Variants in PCBD2 observed in about 807,000 individuals in gnomAD.
PCBD2 encodes pterin-4 alpha-carbinolamine dehydratase 2, also known as pterin-4-alpha-carbinolamine dehydratase 2.
Under a neutral mutation model 16.4 loss-of-function variants are expected in PCBD2, and 12 were observed. The observed-to-expected ratio is 0.73, with a 90% CI of 0.47 to 1.19. The LOEUF is 1.19. Among genes scored for constraint, PCBD2 ranks in the 50% most tolerant of loss-of-function variants. The pLI is 0.00. For synonymous variants in PCBD2, 58 were observed against 61.8 expected, an observed-to-expected ratio of 0.94 and a Z score of 0.29; for missense variants, 138 against 156.8, an observed-to-expected ratio of 0.88 and a Z score of 0.64.
intron 2 of PCBD2, chr5:134,923,359 C>T (rs1488147559): frequency 1.1e-5 from 2 of 174,580 alleles, no homozygotes; most frequent in East Asian, 1.5e-4. Flanking sequence ...AGAAATAAGC[C>T]GAGGATGTCT....
In PCBD2 at chr5:134,962,317, C is replaced by T. The variant is rs1004606282; in HGVS notation, c.*1636C>T. Among the ~76,000 whole-genome samples the T allele has an allele frequency of 6.6e-6, 1 of 152,088 alleles. No homozygotes were observed. Among genetic ancestry groups the T allele is most frequent in the African/African-American group, 2.4e-5 (1 of 41,394 alleles). The stretch of plus-strand genomic sequence containing the variant: ...CTATGTTGCCATGGCTGGTCTAGAA[C>T]TTCTGGGCTCGAGTAATCCTCCTGC... On this transcript the variant is annotated 3_prime_UTR_variant, in exon 4 of 4. Transcript: ENST00000254908.
intron 2 of PCBD2, chr5:134,923,560 T>C (rs1580881803): frequency 6.2e-6 from 2 of 321,372 alleles, no homozygotes; most frequent in Non-Finnish European, 1.1e-5. Flanking sequence ...CCTCCTCAGA[T>C]TCATTGGACC....
chr5:134,905,280 C>T, intron 1 of PCBD2, 57 bp downstream of exon 1: 2 of 1,209,758 alleles, frequency 1.7e-6, no homozygotes, highest in Non-Finnish European at 2.1e-6. Context: ...GGTGCGAGGC[C>T]CGGCGGCGTC....
rs1209534114 is a variant in PCBD2 at position 134,910,340 on chromosome 5, A to G, written c.90A>G (p.Ser30=). ...GAAATGTGTTCTCTTCATAGTCATC[A>G]GGTACTCACAGGTTGACTGCAGAGG... ...GQSLGLAAMS[S]GTHRLTAEER... Residue 30 remains serine (S), a synonymous_variant, in exon 2 of 4, where the codon TCA becomes TCG. Coordinates refer to ENST00000254908, the MANE Select transcript of PCBD2 (RefSeq NM_032151.5). 6.2e-6 allele frequency: 10 copies of G among 1,613,516 alleles called. No homozygotes were observed. In the Admixed American group the frequency reaches 1.3e-4, roughly 22 times the overall value.
intron 2 of PCBD2, among the ~76,000 whole-genome samples, chr5:134,932,589 T>C (rs996508875): frequency 1.3e-5 from 2 of 152,172 alleles, no homozygotes; most frequent in East Asian, 1.9e-4. Flanking sequence ...TGATCCCCCC[T>C]GCCTTCTCAG....
intron 2 of PCBD2, chr5:134,924,087 A>G (rs1750948668): frequency 7.5e-6 from 3 of 397,620 alleles, no homozygotes; most frequent in Non-Finnish European, 8.9e-6. Context: ...ATGGTTTTTC[A>G]TATCATTGGT....
intron 2 of PCBD2, among the ~76,000 whole-genome samples, chr5:134,955,831 A>G (rs1050887668): frequency 1.3e-4 from 20 of 152,330 alleles, no homozygotes; most frequent in Non-Finnish European, 2.6e-4. Flanking sequence ...CCCATAAGCA[A>G]GTAACTAAGA....
intron 2 of PCBD2, among the ~76,000 whole-genome samples, chr5:134,942,035 G>T (rs1751235968): frequency 6.7e-6 from 1 of 150,234 alleles, no homozygotes; most frequent in Non-Finnish European, 1.5e-5. Flanking sequence ...GGGGGCTGAG[G>T]CAGGAGAATG....
chr5:134,925,485 T>A (rs1398385915), intron 2 of PCBD2: 18 of 398,402 alleles, frequency 4.5e-5, no homozygotes, highest in Non-Finnish European at 5.8e-5. Context: ...TGTGCAGGAA[T>A]GCTAGGTGTG....
intron 2 of PCBD2, among the ~76,000 whole-genome samples, chr5:134,920,301 C>G (rs1379148491): frequency 6.6e-6 from 1 of 152,220 alleles, no homozygotes; most frequent in Non-Finnish European, 1.5e-5. Flanking sequence ...GGTCATGTCA[C>G]AGTTACCAGA....
intron 2 of PCBD2, among the ~76,000 whole-genome samples, chr5:134,937,552 G>C (rs1751174807): frequency 6.6e-6 from 1 of 152,210 alleles, no homozygotes; most frequent in South Asian, 2.1e-4. Context: ...AAGCACATCA[G>C]ACTCACACAG....
intron 2 of PCBD2, among the ~76,000 whole-genome samples, chr5:134,928,699 G>A (rs889142225): frequency 6.6e-6 from 1 of 152,190 alleles, no homozygotes; most frequent in Admixed American, 6.5e-5. Context: ...GCCAGGCGTG[G>A]TGGCGGGCGC....
intron 3 of PCBD2, among the ~76,000 whole-genome samples, chr5:134,959,623 C>T (rs1026777560): frequency 1.3e-5 from 2 of 151,994 alleles, no homozygotes; most frequent in Non-Finnish European, 2.9e-5. Flanking sequence ...CCCAAAGTGT[C>T]CTTGCCTTTA....
At chr5:134,947,433 A>G (rs6894317) in intron 2 of PCBD2, among the ~76,000 whole-genome samples, 59,525 of 128,546 alleles carry the variant, frequency 0.46, 12,788 homozygotes, top group East Asian at 0.55. Context: ...TCGCTCTGTC[A>G]CCCAGGCTGG....
chr5:134,924,298 A>T lies in PCBD2; in HGVS notation c.216+13832A>T, dbSNP rs1561909032. 7.6e-6 allele frequency: 3 copies of T among 392,724 alleles called. No homozygotes were observed. In the East Asian group the frequency reaches 1.1e-4, roughly 14 times the overall value. The allele number at this position is 392,724 out of a possible 1,614,324, so 24.3% of individuals were successfully genotyped here. A position where few individuals can be genotyped will look rare whatever the true frequency, so the allele number is the denominator to read the frequency against. On this transcript the variant is annotated intron_variant, in intron 2 of 3. Transcript: ENST00000254908. ...ATGGGTTTAATGGTTTTTTTAATTT[A>T]TTTGGGGGGAATGATGGTTGTTTTT...
At chr5:134,952,097 G>A (rs1751364999) in intron 2 of PCBD2, among the ~76,000 whole-genome samples, 1 of 149,876 alleles carries the variant, frequency 6.7e-6, no homozygotes, top group South Asian at 2.1e-4. Flanking sequence ...CATTTTAAAT[G>A]ATATCTTTTC....
chr5:134,955,498 G>A (rs1751404975), intron 2 of PCBD2, among the ~76,000 whole-genome samples: 2 of 151,540 alleles, frequency 1.3e-5, no homozygotes, highest in Non-Finnish European at 1.5e-5. Flanking sequence ...AGTAGAAATG[G>A]GGTTTCACCA....
At chr5:134,956,165 C>A (rs1216674086) in intron 2 of PCBD2, among the ~76,000 whole-genome samples, 1 of 152,116 alleles carries the variant, frequency 6.6e-6, no homozygotes, top group African/African-American at 2.4e-5. Flanking sequence ...AAGAATAAAT[C>A]CTGTGTAAAT....
chr5:134,924,597 A>C (rs879957249), intron 2 of PCBD2: 3 of 398,632 alleles, frequency 7.5e-6, no homozygotes, highest in Non-Finnish European at 1.3e-5. Context: ...TACTGGTTGA[A>C]CATTGTTTGT....
Sources: gnomAD v4.1 joint callset for allele counts (sites outside exome capture counted in the v4.1 genomes callset) on GRCh38, gnomAD v4.1.1 for gene constraint, MANE v1.5 for transcripts, NCBI Gene and HGNC (gene_info 2026-07-23, HGNC 2026-07-21) for gene names.